The following POLR2F variants were observed in gnomAD, a reference collection of about 807,000 sequenced individuals.
POLR2F encodes the protein RNA polymerase II, I and III subunit F, also known as DNA-directed RNA polymerases I, II, and III subunit RPABC2.
In POLR2F, 12 loss-of-function variants were observed where a neutral mutation model predicts 22.7. That is an observed-to-expected ratio of 0.53 (90% confidence interval 0.34 to 0.86). The LOEUF (loss-of-function observed/expected upper bound fraction) is 0.86, where lower values mean the gene tolerates loss of function less well. Among genes scored for constraint, POLR2F ranks in the 40% least tolerant of loss-of-function variants. The pLI is 0.02. For synonymous variants in POLR2F, 57 were observed against 66.0 expected (o/e 0.86, Z 0.66); for missense variants, 126 against 171.5 (o/e 0.73, Z 1.48).
intron 1 of POLR2F, among the ~76,000 whole-genome samples, chr22:38,001,786 G>T (rs1278516716): frequency 6.6e-6 from 1 of 151,884 alleles, no homozygotes; most frequent in Non-Finnish European, 1.5e-5. Context: ...GCCCGCTTAG[G>T]CCTTTCCAAG....
chr22:37,971,576 C>T (rs1233263529), downstream of POLR2F, among the ~76,000 whole-genome samples: 1 of 152,138 alleles, frequency 6.6e-6, no homozygotes, highest in African/African-American at 2.4e-5. Context: ...AAGGAGTAGA[C>T]TGTCTGACAT....
intron 5 of POLR2F, among the ~76,000 whole-genome samples, chr22:38,036,851 A>G (rs1402299015): frequency 3.3e-5 from 5 of 152,036 alleles, no homozygotes; most frequent in African/African-American, 9.7e-5. Context: ...TAAACTCAAC[A>G]GCACATTCCC....
At chr22:38,024,303 T>C (rs2084987513) in intron 1 of POLR2F, among the ~76,000 whole-genome samples, 1 of 152,262 alleles carries the variant, frequency 6.6e-6, no homozygotes, top group Non-Finnish European at 1.5e-5. Context: ...GAATAATAAA[T>C]TATATGGATA....
chr22:38,014,360 T>TG (rs1220918035), intron 1 of POLR2F, among the ~76,000 whole-genome samples: 1 of 151,188 alleles, frequency 6.6e-6, no homozygotes, highest in East Asian at 1.9e-4. Flanking sequence ...TTTTATTTTT[T>TG]TTTTTTTGAG....
intron 2 of POLR2F, chr22:37,958,476 G>A (rs1931494847): frequency 6.6e-6 from 1 of 152,110 alleles, no homozygotes; most frequent in African/African-American, 2.4e-5. Flanking sequence ...TTACAGGTGT[G>A]AGCCACTGCG....
intron 1 of POLR2F, among the ~76,000 whole-genome samples, chr22:38,007,331 C>A (rs933172386): frequency 4.6e-5 from 7 of 152,328 alleles, no homozygotes; most frequent in Admixed American, 1.3e-4. Flanking sequence ...ATAGGGCAGA[C>A]CCTGAGGGGC....
At chr22:37,979,870 G>C (rs943174906) in intron 4 of POLR2F, among the ~76,000 whole-genome samples, 1 of 152,102 alleles carries the variant, frequency 6.6e-6, no homozygotes, top group African/African-American at 2.4e-5. Context: ...AGCCTTGTCT[G>C]TCAGTCCAGA....
intron 1 of POLR2F, among the ~76,000 whole-genome samples, chr22:38,023,766 G>A (rs751022954): frequency 2.6e-5 from 4 of 151,908 alleles, no homozygotes; most frequent in Admixed American, 2.6e-4. Flanking sequence ...TCTGCCTCCC[G>A]GGTTCAAGTG....
chr22:38,006,834 G>A (rs1423804946), intron 1 of POLR2F, among the ~76,000 whole-genome samples: 1 of 152,184 alleles, frequency 6.6e-6, no homozygotes, highest in Non-Finnish European at 1.5e-5. Context: ...CATCTGCATG[G>A]TGGGGATCCT....
intron 1 of POLR2F, among the ~76,000 whole-genome samples, chr22:37,994,999 T>C (rs2084699959): frequency 1.3e-5 from 2 of 152,214 alleles, no homozygotes; most frequent in South Asian, 4.1e-4. Flanking sequence ...TCAGAGAGTT[T>C]AGGGCTTAGA....
chr22:38,032,625 T>A (rs1458358740), intron 5 of POLR2F: 1 of 152,294 alleles, frequency 6.6e-6, no homozygotes, highest in Non-Finnish European at 1.5e-5. Context: ...ATAGGCCCTG[T>A]CCACACCCTG....
At chr22:37,983,958 G>A, upstream of POLR2F, 2 of 403,002 alleles carry the variant, frequency 5.0e-6, no homozygotes, top group Admixed American at 5.1e-5. The surrounding 1 kb of genome is among the most constrained non-coding windows in gnomAD (Gnocchi z 9.5). Flanking sequence ...CGAGGTGGCG[G>A]CCCTTCCTGC....
At chr22:38,022,497 C>T (rs2084968066) in intron 1 of POLR2F, among the ~76,000 whole-genome samples, 1 of 148,454 alleles carries the variant, frequency 6.7e-6, no homozygotes, top group Non-Finnish European at 1.5e-5. Flanking sequence ...GTTGCAGTGA[C>T]CCGAGATTGC....
chr22:37,996,639 A>G (rs1044168211), intron 1 of POLR2F, among the ~76,000 whole-genome samples: 5 of 152,326 alleles, frequency 3.3e-5, no homozygotes, highest in African/African-American at 9.6e-5. Context: ...GTCACTCAAC[A>G]GGAGGAAGAG....
rs1931967695 is a variant in POLR2F, at chr22:37,969,074, CTT to C, written c.*1361_*1362del. On this transcript the variant is annotated 3_prime_UTR_variant, in exon 5 of 5. Coordinates refer to ENST00000442738, the MANE Select transcript of POLR2F (RefSeq NM_021974.5). ...TCGGCCCCATTTCTCTAAATGGTCT[CTT>C]TGTTCCCTGCTGGGCTGCTCAGTAT... 2 of 985,314 alleles carry C rather than the reference CTT, an allele frequency of 2.0e-6. No homozygotes were observed. Among genetic ancestry groups the C allele is most frequent in the East Asian group, 2.3e-4 (2 of 8,820 alleles). 61.0% of individuals were successfully genotyped at this position (985,314 alleles called of 1,614,324 possible).
chr22:38,034,982 C>T (rs2085101449), intron 5 of POLR2F, among the ~76,000 whole-genome samples: 1 of 152,004 alleles, frequency 6.6e-6, no homozygotes. Flanking sequence ...CTCCCCACTC[C>T]CCAAGCAGAT....
chr22:38,004,444 C>A (rs1205870966), intron 1 of POLR2F, among the ~76,000 whole-genome samples: 2 of 152,170 alleles, frequency 1.3e-5, no homozygotes, highest in Non-Finnish European at 2.9e-5. Context: ...TTCCTGAGCG[C>A]TCACTGTGGG....
intron 1 of POLR2F, among the ~76,000 whole-genome samples, chr22:38,005,263 C>T (rs2084810935): frequency 6.6e-6 from 1 of 152,216 alleles, no homozygotes; most frequent in African/African-American, 2.4e-5. Flanking sequence ...GCTGGGACTA[C>T]AGGTGTGTAA....
upstream of POLR2F, among the ~76,000 whole-genome samples, chr22:37,981,396 GGTC>G (rs1486803802): frequency 6.6e-6 from 1 of 152,200 alleles, no homozygotes; most frequent in East Asian, 1.9e-4. Flanking sequence ...ATTGGGATTG[GGTC>G]CTCAGCAAGT....
Sources: gnomAD v4.1 joint callset for allele counts (sites outside exome capture counted in the v4.1 genomes callset) on GRCh38, gnomAD v4.1.1 for gene constraint, Gnocchi (gnomAD v3.1) non-coding constraint, MANE v1.5 for transcripts, NCBI Gene and HGNC (gene_info 2026-07-23, HGNC 2026-07-21) for gene names.